Variants in GFRA2 observed in about 807,000 individuals in gnomAD.
The protein encoded by GFRA2 is GDNF family receptor alpha-2.
GFRA2 carries 17 observed loss-of-function variants against 48.3 expected under a neutral mutation model. The observed-to-expected ratio is 0.35, with a 90% CI of 0.24 to 0.53. The LOEUF (loss-of-function observed/expected upper bound fraction) is 0.53, where lower values mean the gene tolerates loss of function less well. GFRA2 is among the 20% of genes least tolerant of loss of function. The probability of loss-of-function intolerance (pLI) is 0.93; values close to 1 mark genes in which losing one functional copy is unlikely to be tolerated. For missense variants in GFRA2, 660 were observed against 637.3 expected (o/e 1.04, Z -0.38); for synonymous variants, 305 against 257.2 (o/e 1.19, Z -1.78).
chr8:21,796,053 G>A (rs1255312308), intron 2 of GFRA2, among the ~76,000 whole-genome samples: 3 of 152,176 alleles, frequency 2.0e-5, no homozygotes, highest in East Asian at 3.8e-4. Flanking sequence ...ACAGCTGCCC[G>A]ATAGCAGCAG....
At chr8:21,756,260 C>T (rs887787677) in intron 3 of GFRA2, among the ~76,000 whole-genome samples, 6 of 152,142 alleles carry the variant, frequency 3.9e-5, no homozygotes, top group African/African-American at 1.2e-4. Context: ...GGGGGCAGAA[C>T]GTGTAAACTC....
chr8:21,760,171 G>A (rs1032426396), intron 3 of GFRA2, among the ~76,000 whole-genome samples: 1 of 152,196 alleles, frequency 6.6e-6, no homozygotes, highest in African/African-American at 2.4e-5. Context: ...GACAGTCAGG[G>A]GAGACCTTGC....
rs73219510 is a variant in GFRA2 at position 21,707,770 on chromosome 8, G to C, written c.795-1729C>G. Among the ~76,000 whole-genome samples, 1,297 of 152,336 alleles carry C rather than the reference G, an allele frequency of 8.5e-3. 10 individuals are homozygous for C. Among genetic ancestry groups the C allele is most frequent in the Non-Finnish European group, 0.015 (998 of 68,026 alleles). ...TGTTTGGGATGATTAAAAAGTTCTG[G>C]AGATGGATGGCAGTGAAGGTTCCGG... On this transcript the variant is annotated intron_variant, in intron 4 of 8. Coordinates refer to ENST00000524240, the MANE Select transcript of GFRA2 (RefSeq NM_001495.5).
chr8:21,804,390 T>C (rs1047180444), intron 2 of GFRA2, among the ~76,000 whole-genome samples: 10 of 149,622 alleles, frequency 6.7e-5, no homozygotes, highest in African/African-American at 2.2e-4. Flanking sequence ...AATTATCTTA[T>C]AGAAAAGAGT....
Position 21,722,961 on chromosome 8 carries a change from A to T in GFRA2, c.795-16920T>A, listed in dbSNP as rs1585255430. 3.9e-5 allele frequency among the ~76,000 whole-genome samples: 6 copies of T among 152,296 alleles called. No individual in the cohort carries two copies. The South Asian group carries it at 1.2e-3, about 32-fold the overall frequency. ...ACATGGAGTGGGCTGGATAAAAATC[A>T]GAGGGGACACAGCAGACCACTCAGG... On this transcript the variant is annotated intron_variant, in intron 4 of 8. Coordinates refer to ENST00000524240, the MANE Select transcript of GFRA2 (RefSeq NM_001495.5).
At chr8:21,736,674 G>C (rs1001821253) in intron 4 of GFRA2, among the ~76,000 whole-genome samples, 6 of 151,726 alleles carry the variant, frequency 4.0e-5, no homozygotes. Context: ...TTTTTCCTTT[G>C]TATTTTTAAT....
chr8:21,751,148 G>A (rs1281918625), intron 3 of GFRA2, among the ~76,000 whole-genome samples: 1 of 152,184 alleles, frequency 6.6e-6, no homozygotes, highest in Non-Finnish European at 1.5e-5. Context: ...TAATATACAG[G>A]TTGAGGGAGC....
At chr8:21,799,426 C>G (rs1807733202) in intron 2 of GFRA2, among the ~76,000 whole-genome samples, 1 of 152,034 alleles carries the variant, frequency 6.6e-6, no homozygotes, top group East Asian at 1.9e-4. Context: ...CACATGTTAG[C>G]CAGGTGGTCT....
In GFRA2 at chr8:21,788,743, AC is replaced by A. The variant is rs1807413498; in HGVS notation, c.-585del. ...GATTCAAAAAAATCTTCTCCCGCTA[AC>A]CCTTGCTCGGCTCACTTTTTTCTAA... On this transcript the variant is annotated 5_prime_UTR_variant, in exon 1 of 9. Transcript: ENST00000524240. The A allele has an allele frequency of 1.0e-6, 1 of 985,276 alleles. No homozygotes were observed. The highest frequency in any genetic ancestry group is 1.7e-5 in the African/African-American group (1 of 57,260). The allele number at this position is 985,276 out of a possible 1,614,324, so 61.0% of individuals were successfully genotyped here. A position where few individuals can be genotyped will look rare whatever the true frequency, so the allele number is the denominator to read the frequency against.
At chr8:21,751,822 T>TG (rs1805308470) in intron 3 of GFRA2, among the ~76,000 whole-genome samples, 1 of 152,152 alleles carries the variant, frequency 6.6e-6, no homozygotes, top group African/African-American at 2.4e-5. Context: ...GTCCTACCTC[T>TG]GCACAGCCCT....
chr8:21,729,790 C>G (rs1265195906), intron 4 of GFRA2, among the ~76,000 whole-genome samples: 1 of 152,142 alleles, frequency 6.6e-6, no homozygotes, highest in Admixed American at 6.5e-5. Flanking sequence ...CTCAGAGTCA[C>G]CAGAGAACGA....
At chr8:21,772,461 C>T (rs1035092115) in intron 3 of GFRA2, among the ~76,000 whole-genome samples, 1 of 152,296 alleles carries the variant, frequency 6.6e-6, no homozygotes, top group East Asian at 1.9e-4. Context: ...GCGTGAGCCA[C>T]TGTGCCCAGC....
rs1807071986 is a variant in GFRA2, at chr8:21,782,729, T to C, written c.211A>G (p.Thr71Ala). ...TGGCACTCCTTGTTGGCCAGCATGG[T>C]GTTGCGGTCGCGGCCTGCCAGGCAC... ...RQCLAGRDRNTMLANKECQAA... is the reference protein window; with the variant it reads ...RQCLAGRDRNAMLANKECQAA... The change falls in exon 2 of 9, where the codon ACC (threonine) becomes GCC (alanine). Residue 71 changes from threonine to alanine, a missense_variant. Transcript: ENST00000524240. 1.3e-5 allele frequency: 20 copies of C among 1,597,704 alleles called. No individual in the cohort carries two copies. The highest frequency in any genetic ancestry group is 1.7e-5 in the Non-Finnish European group (20 of 1,172,850).
intron 4 of GFRA2, among the ~76,000 whole-genome samples, chr8:21,722,880 G>A (rs1803673852): frequency 6.6e-6 from 1 of 152,222 alleles, no homozygotes; most frequent in South Asian, 2.1e-4. Context: ...ATGCACCAGG[G>A]CTGGTTACAC....
chr8:21,782,866 G>A lies in GFRA2; in HGVS notation c.74C>T (p.Ser25Phe). 6.4e-7 allele frequency: 1 copy of A among 1,567,112 alleles called. No individual in the cohort carries two copies. The highest frequency in any genetic ancestry group is 8.6e-7 in the Non-Finnish European group (1 of 1,163,762). ...GCCGTGGAGCTCGGGGCCCTGCAGGGAGGAAGGGCTGGCCAAAGAGCGGAG... is the reference window on the plus strand; with the variant it reads ...GCCGTGGAGCTCGGGGCCCTGCAGGAAGGAAGGGCTGGCCAAAGAGCGGAG... ...ETLRSLASPS[S>F]LQGPELHGWR... Residue 25 changes from serine (S) to phenylalanine (F), a missense_variant, in exon 2 of 9, where the codon TCC becomes TTC. Ser to Phe is a radical substitution (Grantham distance 155). Coordinates refer to ENST00000524240, the MANE Select transcript of GFRA2 (RefSeq NM_001495.5).
chr8:21,757,977 C>A (rs1289304933), intron 3 of GFRA2, among the ~76,000 whole-genome samples: 1 of 152,208 alleles, frequency 6.6e-6, no homozygotes, highest in East Asian at 1.9e-4. Context: ...GCCCCATCTC[C>A]CATTCTAGCA....
In GFRA2 at chr8:21,743,822, G is replaced by A. The variant is rs115139397; in HGVS notation, c.794+6766C>T. Among the ~76,000 whole-genome samples, 997 of 152,234 alleles carry A rather than the reference G, an allele frequency of 6.5e-3. 14 individuals carry two copies. The highest frequency in any genetic ancestry group is 0.023 in the African/African-American group (959 of 41,538). On this transcript the variant is annotated intron_variant, in intron 4 of 8. Coordinates refer to ENST00000524240, the MANE Select transcript of GFRA2 (RefSeq NM_001495.5). ...GAGCCAGACTCAAAATCCTTCTCTA[G>A]GGAGCCAATCCAAGTTGGTCATCTA...
At chr8:21,735,770 C>T (rs917323269) in intron 4 of GFRA2, among the ~76,000 whole-genome samples, 2 of 152,066 alleles carry the variant, frequency 1.3e-5, no homozygotes, top group Admixed American at 6.6e-5. Context: ...GGGCTCGAGC[C>T]GTCCTCCCAT....
chr8:21,794,645 G>T (rs1807636470), intron 2 of GFRA2, among the ~76,000 whole-genome samples: 1 of 152,142 alleles, frequency 6.6e-6, no homozygotes, highest in Non-Finnish European at 1.5e-5. Flanking sequence ...GCCTAGAAAG[G>T]ATTCTGTCAG....
Sources: gnomAD v4.1 joint callset for allele counts (sites outside exome capture counted in the v4.1 genomes callset) on GRCh38, gnomAD v4.1.1 for gene constraint, MANE v1.5 for transcripts, NCBI Gene and HGNC (gene_info 2026-07-23, HGNC 2026-07-21) for gene names.